The following CHORDC1 variants were observed in gnomAD, a reference collection of about 807,000 sequenced individuals.
CHORDC1 encodes cysteine and histidine-rich domain-containing protein 1.
Under a neutral mutation model 48.3 loss-of-function variants are expected in CHORDC1, and 25 were observed. That is an observed-to-expected ratio of 0.52 (90% CI 0.38 to 0.72). The LOEUF (loss-of-function observed/expected upper bound fraction) is 0.72. Among genes scored for constraint, CHORDC1 ranks in the 30% least tolerant of loss-of-function variants. The probability of loss-of-function intolerance (pLI) is 0.00; values close to 1 mark genes in which losing one functional copy is unlikely to be tolerated. For missense variants in CHORDC1, 317 were observed against 388.7 expected (o/e 0.82, Z 1.55); for synonymous variants, 128 against 126.4 (o/e 1.01, Z -0.09).
chr11:90,210,807 A>C, intron 5 of CHORDC1: 1 of 515,874 alleles, frequency 1.9e-6, no homozygotes, highest in Non-Finnish European at 3.4e-6. Context: ...TTTTTCCATA[A>C]CAAAATGTTA....
intron 4 of CHORDC1, chr11:90,213,560 T>C (rs186966462): frequency 4.1e-4 from 209 of 512,658 alleles, no homozygotes; most frequent in African/African-American, 3.6e-3. Flanking sequence ...ATATGTCATC[T>C]AAATCAAATG....
At chr11:90,206,147 G>T in intron 7 of CHORDC1, 55 bp downstream of exon 7, 3 of 1,063,224 alleles carry the variant, frequency 2.8e-6, no homozygotes, top group South Asian at 1.3e-5. Context: ...AGACAGAAAG[G>T]TTTAACTTTC....
intron 7 of CHORDC1, 153 bp downstream of exon 7, chr11:90,206,049 A>AC (rs1857671980): frequency 1.5e-6 from 1 of 648,574 alleles, no homozygotes; most frequent in Non-Finnish European, 2.8e-6. Context: ...CAACATACAA[A>AC]CCCCTGTGTT....
At chr11:90,205,621 A>G (rs1219709325) in intron 7 of CHORDC1, 56 bp from the exon 8 acceptor site, 2 of 1,104,122 alleles carry the variant, frequency 1.8e-6, no homozygotes, top group Non-Finnish European at 2.7e-6. Flanking sequence ...AATTAAATCC[A>G]CAAGTATTTT....
At chr11:90,209,550 A>ATAAC (rs1754315621) in intron 6 of CHORDC1, 1 of 152,230 alleles carries the variant, frequency 6.6e-6, no homozygotes, top group African/African-American at 2.4e-5. Flanking sequence ...CATGGGGGTT[A>ATAAC]GATGGTATAG....
intron 1 of CHORDC1, 176 bp downstream of exon 1, chr11:90,222,715 C>A: frequency 1.4e-6 from 1 of 718,092 alleles, no homozygotes; most frequent in Admixed American, 2.0e-5. Context: ...GGGAACGCGG[C>A]GCAACAGAGG....
At chr11:90,205,027 T>C (rs1591048877) in intron 8 of CHORDC1, among the ~76,000 whole-genome samples, 1 of 152,056 alleles carries the variant, frequency 6.6e-6, no homozygotes, top group East Asian at 1.9e-4. Flanking sequence ...AATCCTCCTC[T>C]CTGGCCACTA....
chr11:90,206,563 C>A, intron 6 of CHORDC1: 1 of 362,936 alleles, frequency 2.8e-6, no homozygotes, highest in Non-Finnish European at 5.2e-6. Flanking sequence ...TTACTAATTT[C>A]AAAAACAATG....
chr11:90,204,396 T>C (rs1857615394), intron 8 of CHORDC1, among the ~76,000 whole-genome samples: 2 of 151,924 alleles, frequency 1.3e-5, no homozygotes, highest in South Asian at 2.1e-4. Context: ...AACTTCAGGG[T>C]ATTTTTATAA....
chr11:90,206,203 C>T lies in CHORDC1; in HGVS notation c.562G>A (p.Gly188Arg). Reference sequence around the variant, plus strand: ...TTTAATAAGTCATGCATAAGTTACCCCTCATGGAAAATAGGTACTCCAGAA... The same window carrying T: ...TTTAATAAGTCATGCATAAGTTACCTCTCATGGAAAATAGGTACTCCAGAA... ...YHSGVPIFHE[G>R]MKYWSCCRRK... is the part of the protein sequence containing the mutation. Residue 188 changes from glycine (G) to arginine (R), a missense_variant and splice_region_variant, in exon 7 of 11, where the codon GGG becomes AGG. By Grantham distance (125) the Gly-to-Arg change is moderately radical. Transcript: ENST00000320585. 1 of 1,500,072 alleles carries T rather than the reference C, an allele frequency of 6.7e-7. No individual in the cohort carries two copies. The highest frequency in any genetic ancestry group is 9.3e-7 in the Non-Finnish European group (1 of 1,076,820). The allele number at this position is 1,500,072 out of a possible 1,614,324, so 92.9% of individuals were successfully genotyped here. A position where few individuals can be genotyped will look rare whatever the true frequency, so the allele number is the denominator to read the frequency against.
At chr11:90,221,856 AAG>A (rs1382591170) in intron 1 of CHORDC1, among the ~76,000 whole-genome samples, 2 of 152,236 alleles carry the variant, frequency 1.3e-5, no homozygotes, top group African/African-American at 4.8e-5. Context: ...CTCAGAGGTG[AAG>A]AGTTCAAAAG....
intron 1 of CHORDC1, among the ~76,000 whole-genome samples, chr11:90,219,521 T>A (rs370697276): frequency 6.6e-6 from 1 of 152,072 alleles, no homozygotes; most frequent in South Asian, 2.1e-4. Context: ...AGGTTGTGAG[T>A]CTACCTGAAT....
chr11:90,205,536 T>G lies in CHORDC1; in HGVS notation c.593A>C (p.Lys198Thr), dbSNP rs1163577772. Residue 198 changes from lysine to threonine, a missense_variant, in exon 8 of 11, where the codon AAA becomes ACA. Transcript: ENST00000320585. The part of the protein sequence containing the change: ...GMKYWSCCRR[K>T]TSDFNTFLAQ... ...TAAGAATGTATTAAAATCAGAAGTT[T>G]TTCTTCTACAACAGCTCCAGTATTT... The G allele has an allele frequency of 2.5e-6, 4 of 1,600,996 alleles. No individual in the cohort carries two copies. The Admixed American group carries it at 7.1e-5, about 28-fold the overall frequency.
At chr11:90,222,825 G>A (rs1858214709) in intron 1 of CHORDC1, 66 bp downstream of exon 1, 2 of 1,429,492 alleles carry the variant, frequency 1.4e-6, no homozygotes, top group East Asian at 2.3e-5. Context: ...GACACCCTCC[G>A]GCCCAAAGGG....
At position 90,201,291 on chromosome 11, in the gene CHORDC1, A is replaced by G. The variant is rs1857537757; in HGVS notation, c.*1114T>C. ...TTCTTCCAGAGTTCTGGCCTTCAGAATATTTCCTAATTTTTCTTCTTGAGT... is the reference window on the plus strand; with the variant it reads ...TTCTTCCAGAGTTCTGGCCTTCAGAGTATTTCCTAATTTTTCTTCTTGAGT... On this transcript the variant is annotated 3_prime_UTR_variant, in exon 11 of 11. Transcript: ENST00000320585. The G allele has an allele frequency of 6.6e-6, 1 of 151,870 alleles. No homozygotes were observed. Among genetic ancestry groups the G allele is most frequent in the South Asian group, 2.1e-4 (1 of 4,824 alleles). The allele number at this position is 151,870 out of a possible 1,614,324, so 9.4% of individuals were successfully genotyped here.
At chr11:90,204,894 G>A (rs1857633757) in intron 8 of CHORDC1, among the ~76,000 whole-genome samples, 1 of 151,846 alleles carries the variant, frequency 6.6e-6, no homozygotes, top group African/African-American at 2.4e-5. Context: ...TATTTGCATA[G>A]CCCCCAAGTC....
Position 90,206,239 on chromosome 11 carries a change from A to C in CHORDC1, c.526T>G (p.Cys176Gly). The C allele has an allele frequency of 6.3e-7, 1 of 1,577,068 alleles. No individual in the cohort carries two copies. Among genetic ancestry groups the C allele is most frequent in the Non-Finnish European group, 8.7e-7 (1 of 1,146,352 alleles). The change falls in exon 7 of 11, where the codon TGT becomes GGT. Residue 176 changes from cysteine (C) to glycine (G), a missense_variant. Physicochemically the swap from Cys to Gly is radical, Grantham distance 159. Transcript: ENST00000320585. ...ATAGGTACTCCAGAATGATATACAC[A>C]GACTTCTTCTAGACTCTCTAGACCC... The part of the protein sequence containing the change: ...YQGLESLEEV[C>G]VYHSGVPIFH...
In CHORDC1 at chr11:90,207,779, C is replaced by CA. The variant is rs1231587858; in HGVS notation, c.493-1508dup. On this transcript the variant is annotated intron_variant, in intron 6 of 10. Transcript: ENST00000320585. ...TAAAATACAAAAAAAAAAAAAAAAA[C>CA]AAAAAAAACTCGTATAACAAAATGT... 5.5e-5 allele frequency: 5 copies of CA among 91,304 alleles called. 1 individual carries two copies. In the East Asian group the frequency reaches 1.4e-3, roughly 26 times the overall value. The allele number at this position is 91,304 out of a possible 1,614,324, so 5.7% of individuals were successfully genotyped here.
At chr11:90,217,064 A>C (rs1376992212) in intron 2 of CHORDC1, among the ~76,000 whole-genome samples, 4 of 152,238 alleles carry the variant, frequency 2.6e-5, no homozygotes, top group Admixed American at 2.6e-4. Flanking sequence ...AGATTTGTAA[A>C]AACTAAAAAA....
Sources: gnomAD v4.1 joint callset for allele counts (sites outside exome capture counted in the v4.1 genomes callset) on GRCh38, gnomAD v4.1.1 for gene constraint, MANE v1.5 for transcripts, NCBI Gene and HGNC (gene_info 2026-07-23, HGNC 2026-07-21) for gene names.